HOMER2: variants seen among roughly 807,000 people sequenced by gnomAD.
The protein encoded by HOMER2 is homer scaffold protein 2.
Under a neutral mutation model 47.0 loss-of-function variants are expected in HOMER2, and 27 were observed. That is an observed-to-expected ratio of 0.57 (90% confidence interval 0.42 to 0.79). The LOEUF is 0.79. Among genes scored for constraint, HOMER2 ranks in the 30% least tolerant of loss-of-function variants. The pLI is 0.00. For missense variants in HOMER2, 443 were observed against 435.0 expected, an observed-to-expected ratio of 1.02 and a Z score of -0.16; for synonymous variants, 161 against 163.8, an observed-to-expected ratio of 0.98 and a Z score of 0.13.
intron 1 of HOMER2, among the ~76,000 whole-genome samples, chr15:82,894,551 G>A (rs1200423552): frequency 6.6e-6 from 1 of 151,546 alleles, no homozygotes; most frequent in Non-Finnish European, 1.5e-5. Flanking sequence ...GGTGCCTGTA[G>A]TCCCAGCTAC....
At chr15:82,974,544 T>C (rs2030132603) in intron 1 of HOMER2, among the ~76,000 whole-genome samples, 1 of 152,174 alleles carries the variant, frequency 6.6e-6, no homozygotes, top group South Asian at 2.1e-4. Context: ...TGCTCTAATC[T>C]GAGGAGAGAG....
At chr15:82,848,451 C>A (rs1422768255), downstream of HOMER2, among the ~76,000 whole-genome samples, 2 of 152,202 alleles carry the variant, frequency 1.3e-5, no homozygotes, top group Non-Finnish European at 2.9e-5. Context: ...AGGATGCCAA[C>A]AGCACCCACA....
At chr15:82,929,653 CAA>C (rs373315567) in intron 1 of HOMER2, among the ~76,000 whole-genome samples, 55 of 90,984 alleles carry the variant, frequency 6.0e-4, no homozygotes, top group African/African-American at 1.4e-3. Flanking sequence ...GTGAGACTAT[CAA>C]AAAAAAAAAA....
chr15:82,874,255 G>T (rs141610122), intron 3 of HOMER2, among the ~76,000 whole-genome samples: 3 of 152,326 alleles, frequency 2.0e-5, no homozygotes, highest in South Asian at 4.1e-4. Flanking sequence ...GCTGCCAGAA[G>T]CAAGTCTGGC....
chr15:82,969,473 C>T (rs1203876059), intron 1 of HOMER2, among the ~76,000 whole-genome samples: 1 of 152,156 alleles, frequency 6.6e-6, no homozygotes, highest in Non-Finnish European at 1.5e-5. Flanking sequence ...GTTCATAAGT[C>T]CCTATGAAAT....
At chr15:82,928,940 T>TA in intron 1 of HOMER2, among the ~76,000 whole-genome samples, 13,465 of 39,920 alleles carry the variant, frequency 0.34, 3,127 homozygotes, top group Middle Eastern at 0.69. Flanking sequence ...AAATAAAAAC[T>TA]AAAAAAAAAA....
chr15:82,878,249 A>G (rs1406986131), intron 2 of HOMER2, among the ~76,000 whole-genome samples: 1 of 152,202 alleles, frequency 6.6e-6, no homozygotes, highest in Non-Finnish European at 1.5e-5. Context: ...AGGCTATCCC[A>G]GAGGCAGTCA....
chr15:82,869,899 C>T (rs1267192452), intron 3 of HOMER2, among the ~76,000 whole-genome samples: 1 of 152,094 alleles, frequency 6.6e-6, no homozygotes, highest in Non-Finnish European at 1.5e-5. Flanking sequence ...TATCCTTATA[C>T]TCAGTTACAA....
intron 2 of HOMER2, 67 bp from the exon 3 acceptor site, chr15:82,875,471 G>C (rs777459593): frequency 1.6e-5 from 24 of 1,546,172 alleles, no homozygotes; most frequent in Middle Eastern, 3.4e-4. Flanking sequence ...TCCTTAGAAA[G>C]TCTTCTATTG....
At chr15:82,902,412 G>A (rs907406855) in intron 1 of HOMER2, among the ~76,000 whole-genome samples, 4 of 152,032 alleles carry the variant, frequency 2.6e-5, no homozygotes, top group African/African-American at 4.8e-5. Context: ...TGACCAGGCC[G>A]GTTTCAAACT....
exon 2 of HOMER2, chr15:82,838,774 T>A (rs1165123045): frequency 1.3e-5 from 2 of 152,242 alleles, no homozygotes; most frequent in Non-Finnish European, 1.5e-5. Flanking sequence ...TCAAATTGCA[T>A]GAGCCTGGTG....
chr15:82,892,092 A>G (rs2052727802), intron 2 of HOMER2, among the ~76,000 whole-genome samples: 1 of 152,088 alleles, frequency 6.6e-6, no homozygotes, highest in Admixed American at 6.6e-5. Context: ...ACAAAAATAT[A>G]TATGTATTTC....
chr15:82,863,327 T>A (rs2051855843), intron 4 of HOMER2, among the ~76,000 whole-genome samples: 1 of 152,026 alleles, frequency 6.6e-6, no homozygotes, highest in Non-Finnish European at 1.5e-5. Flanking sequence ...AAATCAACAG[T>A]CACAACACAC....
chr15:82,882,219 G>T (rs1242338561), intron 2 of HOMER2, among the ~76,000 whole-genome samples: 1 of 146,402 alleles, frequency 6.8e-6, no homozygotes, highest in Non-Finnish European at 1.5e-5. Context: ...CAAGGTTTGG[G>T]TCCTTGGGTC....
At chr15:82,917,800 T>G (rs1477588221) in intron 1 of HOMER2, among the ~76,000 whole-genome samples, 1 of 152,222 alleles carries the variant, frequency 6.6e-6, no homozygotes, top group Admixed American at 6.5e-5. Context: ...CTTGCTAAAC[T>G]AGATTATTTG....
intron 6 of HOMER2, 70 bp from the exon 7 acceptor site, chr15:82,852,322 C>G (rs1245233837): frequency 1.9e-6 from 2 of 1,029,322 alleles, no homozygotes; most frequent in East Asian, 2.4e-5. Context: ...GAGATCACCA[C>G]AGCTATGCTT....
exon 2 of HOMER2, chr15:82,837,286 T>G (rs2051137053): frequency 1.3e-5 from 2 of 152,268 alleles, no homozygotes; most frequent in Admixed American, 6.5e-5. Context: ...TGAAGGGCCC[T>G]TTTGCCAACT....
rs137958265 is a variant in HOMER2, at chr15:82,878,304, T to C, written c.163-2900A>G. On this transcript the variant is annotated intron_variant, in intron 2 of 8. Coordinates refer to ENST00000450735, the MANE Select transcript of HOMER2 (RefSeq NM_004839.4). ...ATACCCCCTGCTATTTCCTTAAAAC[T>C]TAGTTTCTAGGGCACTTTTTCACAG... is the stretch of plus-strand genomic sequence containing the variant. 9.1e-4 allele frequency among the ~76,000 whole-genome samples: 138 copies of C among 152,296 alleles called. 2 individuals are homozygous for C. In the East Asian group the frequency reaches 0.023, roughly 25 times the overall value.
At chr15:82,900,497 G>A (rs1233061285) in intron 1 of HOMER2, among the ~76,000 whole-genome samples, 1 of 152,108 alleles carries the variant, frequency 6.6e-6, no homozygotes, top group African/African-American at 2.4e-5. Flanking sequence ...CTCTATGTGA[G>A]GACAGCCAAA....
Sources: gnomAD v4.1 joint callset for allele counts (sites outside exome capture counted in the v4.1 genomes callset) on GRCh38, gnomAD v4.1.1 for gene constraint, MANE v1.5 for transcripts, NCBI Gene and HGNC (gene_info 2026-07-23, HGNC 2026-07-21) for gene names.